Variants in GRM1 observed in about 807,000 individuals in gnomAD.
GRM1 encodes the protein metabotropic glutamate receptor 1.
Under a neutral mutation model 90.9 loss-of-function variants are expected in GRM1, and 33 were observed. The observed-to-expected ratio is 0.36, with a 90% CI of 0.28 to 0.49. The LOEUF is 0.49. Ranked by LOEUF, GRM1 falls within the 20% of genes least tolerant of loss-of-function variation. The probability of loss-of-function intolerance (pLI) is 0.99; values close to 1 mark genes in which losing one functional copy is unlikely to be tolerated. For synonymous variants in GRM1, 700 were observed against 613.2 expected, an observed-to-expected ratio of 1.14 and a Z score of -2.09; for missense variants, 1,190 against 1,534.3, an observed-to-expected ratio of 0.78 and a Z score of 3.75.
chr6:146,262,841 CAT>C (rs201303660), intron 2 of GRM1, among the ~76,000 whole-genome samples: 8 of 151,154 alleles, frequency 5.3e-5, no homozygotes, highest in Non-Finnish European at 7.4e-5. Context: ...TAAATGTATA[CAT>C]ATATATATAT....
intron 1 of GRM1, among the ~76,000 whole-genome samples, chr6:146,045,260 T>A (rs970812719): frequency 6.6e-6 from 1 of 152,026 alleles, no homozygotes; most frequent in African/African-American, 2.4e-5. Context: ...TTAATGATTT[T>A]AAAAATATGC....
At position 146,384,381 on chromosome 6, in the gene GRM1, T is replaced by G. The variant is rs562133609; in HGVS notation, c.1603-2509T>G. Among the ~76,000 whole-genome samples the G allele has an allele frequency of 7.2e-5, 11 of 152,164 alleles. No individual in the cohort carries two copies. In the East Asian group the frequency reaches 2.1e-3, roughly 29 times the overall value. Reference sequence around the variant, plus strand: ...ATATCTTGTTGAATACATAAGGAATTAAGTAAAAGCTCTTGGAAGGTCATG... The same window carrying G: ...ATATCTTGTTGAATACATAAGGAATGAAGTAAAAGCTCTTGGAAGGTCATG... On this transcript the variant is annotated intron_variant, in intron 5 of 7. Coordinates refer to ENST00000282753, the MANE Select transcript of GRM1 (RefSeq NM_001278064.2).
At chr6:146,412,548 A>T (rs1337642665) in intron 7 of GRM1, among the ~76,000 whole-genome samples, 1 of 152,164 alleles carries the variant, frequency 6.6e-6, no homozygotes, top group Non-Finnish European at 1.5e-5. Context: ...CTGTTCTAAG[A>T]TATTGAATTA....
At chr6:146,137,178 C>A (rs1437139869) in intron 1 of GRM1, among the ~76,000 whole-genome samples, 2 of 152,036 alleles carry the variant, frequency 1.3e-5, no homozygotes, top group Non-Finnish European at 2.9e-5. Flanking sequence ...GTTGATGTAT[C>A]CCATTAGTTC....
intron 1 of GRM1, among the ~76,000 whole-genome samples, chr6:146,063,225 G>A (rs1488597043): frequency 6.6e-6 from 1 of 152,190 alleles, no homozygotes; most frequent in Non-Finnish European, 1.5e-5. Context: ...ACAAGTTTTA[G>A]TTTATCTTCC....
At chr6:146,037,531 G>A (rs111897282) in intron 1 of GRM1, among the ~76,000 whole-genome samples, 57 of 151,880 alleles carry the variant, frequency 3.8e-4, no homozygotes, top group African/African-American at 1.4e-3. Flanking sequence ...CTCATGTGAG[G>A]TCCATACTAT....
intron 3 of GRM1, among the ~76,000 whole-genome samples, chr6:146,345,865 T>C (rs1339716890): frequency 6.6e-6 from 1 of 152,226 alleles, no homozygotes; most frequent in Non-Finnish European, 1.5e-5. Flanking sequence ...CAGCTCTCTG[T>C]AGCATACTCT....
At chr6:146,312,454 G>C (rs1351212463) in intron 3 of GRM1, among the ~76,000 whole-genome samples, 1 of 145,984 alleles carries the variant, frequency 6.9e-6, no homozygotes, top group Non-Finnish European at 1.5e-5. Context: ...TTTTAGCATA[G>C]AGTTGATGAT....
At chr6:146,164,467 G>A (rs781098308) in intron 2 of GRM1, among the ~76,000 whole-genome samples, 6 of 152,138 alleles carry the variant, frequency 3.9e-5, no homozygotes, top group Non-Finnish European at 8.8e-5. Flanking sequence ...AGCTAGTAGA[G>A]AGAGCATGTA....
chr6:146,237,190 T>G (rs1157450451), intron 2 of GRM1, among the ~76,000 whole-genome samples: 5 of 152,032 alleles, frequency 3.3e-5, no homozygotes, highest in Non-Finnish European at 7.4e-5. Context: ...TTCCTATATA[T>G]TTTTTTAAAC....
At chr6:146,324,191 T>C (rs1784314351) in intron 3 of GRM1, among the ~76,000 whole-genome samples, 1 of 152,162 alleles carries the variant, frequency 6.6e-6, no homozygotes, top group African/African-American at 2.4e-5. Context: ...TTGTTTACAC[T>C]GGGAGGGGAA....
intron 3 of GRM1, among the ~76,000 whole-genome samples, chr6:146,342,161 G>T (rs755451025): frequency 1.3e-5 from 2 of 152,172 alleles, no homozygotes; most frequent in Non-Finnish European, 2.9e-5. Flanking sequence ...CTGACTTTTA[G>T]TGGTGAGCTT....
intron 2 of GRM1, among the ~76,000 whole-genome samples, chr6:146,266,919 T>C (rs367808893): frequency 1.3e-5 from 2 of 152,216 alleles, no homozygotes; most frequent in Non-Finnish European, 2.9e-5. Flanking sequence ...GGGGTACATG[T>C]GCAGGATGTG....
intron 1 of GRM1, among the ~76,000 whole-genome samples, chr6:146,043,796 T>TATATAGATATATATATATATATAG (rs577546115): frequency 7.2e-6 from 1 of 137,940 alleles, no homozygotes; most frequent in African/African-American, 2.6e-5. Flanking sequence ...TATATATATA[T>TATATAGATATATATATATATATAG]ATATATATAT....
intron 1 of GRM1, among the ~76,000 whole-genome samples, chr6:146,077,992 C>T (rs533703290): frequency 1.6e-4 from 25 of 152,236 alleles, no homozygotes; most frequent in South Asian, 1.0e-3. Flanking sequence ...GATAAAGGTG[C>T]GCCATATTAA....
chr6:146,252,178 C>T lies in GRM1; in HGVS notation c.951-52433C>T, dbSNP rs188954071. Among the ~76,000 whole-genome samples the T allele has an allele frequency of 1.9e-4, 29 of 152,060 alleles. No homozygotes were observed. The South Asian group carries it at 3.3e-3, about 17-fold the overall frequency. Reference sequence around the variant, plus strand: ...AAAGTGAAAAAAGGCTAGAAAAGTGCCTTGAAAAGAGTAAGCAGCAAAATA... The same window carrying T: ...AAAGTGAAAAAAGGCTAGAAAAGTGTCTTGAAAAGAGTAAGCAGCAAAATA... On this transcript the variant is annotated intron_variant, in intron 2 of 7. Transcript: ENST00000282753.
chr6:146,343,073 C>T (rs1228719377), intron 3 of GRM1, among the ~76,000 whole-genome samples: 1 of 151,914 alleles, frequency 6.6e-6, no homozygotes, highest in Non-Finnish European at 1.5e-5. Flanking sequence ...AGTCCTCAGC[C>T]TTTCCTTGTT....
At chr6:146,186,782 T>G (rs1056150887) in intron 2 of GRM1, among the ~76,000 whole-genome samples, 3 of 152,340 alleles carry the variant, frequency 2.0e-5, no homozygotes, top group Admixed American at 2.0e-4. Context: ...CACAACATTT[T>G]AGTGATTTAA....
intron 2 of GRM1, among the ~76,000 whole-genome samples, chr6:146,261,593 T>C (rs572361255): frequency 9.2e-5 from 14 of 152,182 alleles, no homozygotes; most frequent in Non-Finnish European, 1.6e-4. Flanking sequence ...GAGAACTAGT[T>C]GGCATCTGAC....
Sources: allele counts gnomAD v4.1 joint callset (sites outside exome capture counted in the v4.1 genomes callset), GRCh38; gene constraint gnomAD v4.1.1; transcripts MANE v1.5; gene names NCBI Gene and HGNC (gene_info 2026-07-23, HGNC 2026-07-21).